Variants in AIDA observed in about 807,000 individuals in gnomAD.
AIDA encodes axin interactor, dorsalization associated.
A neutral mutation model predicts 42.7 loss-of-function variants in AIDA; 18 were observed. The ratio of observed to expected loss-of-function variants is 0.42; its 90% CI spans 0.29 to 0.63. The LOEUF (loss-of-function observed/expected upper bound fraction) is 0.63, where lower values mean the gene tolerates loss of function less well. Among genes scored for constraint, AIDA ranks in the 20% least tolerant of loss-of-function variants. AIDA has a pLI of 0.19. For missense variants in AIDA, 250 were observed against 354.1 expected, an observed-to-expected ratio of 0.71 and a Z score of 2.36; for synonymous variants, 104 against 122.9, an observed-to-expected ratio of 0.85 and a Z score of 1.02.
At chr1:222,672,587 A>C (rs1340551854) in intron 8 of AIDA, among the ~76,000 whole-genome samples, 2 of 152,164 alleles carry the variant, frequency 1.3e-5, no homozygotes, top group African/African-American at 4.8e-5. Context: ...TACTCTGAGA[A>C]CCACTGTTCT....
At chr1:222,684,634 A>C (rs1017556785) in intron 6 of AIDA, among the ~76,000 whole-genome samples, 20 of 151,916 alleles carry the variant, frequency 1.3e-4, no homozygotes, top group African/African-American at 4.8e-5. Context: ...AACCATACAT[A>C]CTCTTTCTTT....
chr1:222,705,173 T>A (rs1299996565), intron 1 of AIDA, among the ~76,000 whole-genome samples: 1 of 152,246 alleles, frequency 6.6e-6, no homozygotes, highest in Admixed American at 6.5e-5. Context: ...ACTGCTTCTA[T>A]TCATTTATTT....
intron 1 of AIDA, among the ~76,000 whole-genome samples, chr1:222,703,629 G>T (rs1461021440): frequency 6.6e-6 from 1 of 152,116 alleles, no homozygotes; most frequent in Non-Finnish European, 1.5e-5. Flanking sequence ...TCATTGATTT[G>T]GTAGTAAAAT....
chr1:222,696,935 TTTTG>T (rs1481172762), intron 2 of AIDA, among the ~76,000 whole-genome samples: 3 of 152,074 alleles, frequency 2.0e-5, no homozygotes, highest in South Asian at 4.2e-4. Context: ...AACAGGTGTT[TTTTG>T]TTTGTTTTTG....
At chr1:222,687,492 A>T in intron 5 of AIDA, 103 bp downstream of exon 5, 1 of 986,556 alleles carries the variant, frequency 1.0e-6, no homozygotes, top group Non-Finnish European at 1.5e-6. Context: ...TGTTGATGTC[A>T]ATGATATCAA....
chr1:222,691,715 G>A (rs1009367159), intron 4 of AIDA, among the ~76,000 whole-genome samples: 3 of 151,936 alleles, frequency 2.0e-5, no homozygotes, highest in Non-Finnish European at 4.4e-5. Context: ...ACTAAGAATG[G>A]GAAAGGGGAA....
In AIDA at chr1:222,712,465, C is replaced by A. The variant is rs913658389; in HGVS notation, c.-148G>T. On this transcript the variant is annotated 5_prime_UTR_variant, in exon 1 of 10. Coordinates refer to ENST00000340020, the MANE Select transcript of AIDA (RefSeq NM_022831.4). The stretch of plus-strand genomic sequence containing the variant: ...GCCACCCGCCGAGGAGCCGCCCAAG[C>A]CCATTTGCCGCCACAGCCAAACTTT... 1 of 1,427,866 alleles carries A rather than the reference C, an allele frequency of 7.0e-7. No homozygotes were observed. The highest frequency in any genetic ancestry group is 1.5e-5 in the African/African-American group (1 of 68,820). 88.4% of individuals were successfully genotyped at this position (1,427,866 alleles called of 1,614,324 possible).
intron 2 of AIDA, among the ~76,000 whole-genome samples, chr1:222,699,109 G>A (rs1293938101): frequency 6.6e-6 from 1 of 152,198 alleles, no homozygotes; most frequent in Non-Finnish European, 1.5e-5. Context: ...ACAGGTGTGA[G>A]ACACCCCGTC....
At chr1:222,673,873 C>T (rs1664496756) in intron 7 of AIDA, among the ~76,000 whole-genome samples, 1 of 152,042 alleles carries the variant, frequency 6.6e-6, no homozygotes, top group South Asian at 2.1e-4. Flanking sequence ...CACTTAAGGT[C>T]AGGAGTTCAA....
Position 222,669,869 on chromosome 1 carries a change from A to C in AIDA, c.*24T>G. 1 of 1,601,464 alleles carries C rather than the reference A, an allele frequency of 6.2e-7. No individual in the cohort carries two copies. The highest frequency in any genetic ancestry group is 8.5e-7 in the Non-Finnish European group (1 of 1,172,746). ...TCTACTGAGTGGTAAAATTCACAGA[A>C]GTTCCAGGTTCATCATGTCAGGATC... is the stretch of plus-strand genomic sequence containing the variant. On this transcript the variant is annotated 3_prime_UTR_variant, in exon 10 of 10. Coordinates refer to ENST00000340020, the MANE Select transcript of AIDA (RefSeq NM_022831.4).
At chr1:222,686,456 T>G (rs1296069810) in intron 6 of AIDA, among the ~76,000 whole-genome samples, 1 of 152,206 alleles carries the variant, frequency 6.6e-6, no homozygotes, top group African/African-American at 2.4e-5. Flanking sequence ...ATAAAAGCTT[T>G]GGGCACTGAC....
intron 1 of AIDA, among the ~76,000 whole-genome samples, chr1:222,707,291 G>A (rs897465631): frequency 6.6e-6 from 1 of 152,038 alleles, no homozygotes; most frequent in Non-Finnish European, 1.5e-5. Context: ...CTGAGTAGCT[G>A]AGACCACAGG....
At chr1:222,695,473 CAG>C (rs1213325548) in intron 2 of AIDA, among the ~76,000 whole-genome samples, 1 of 151,950 alleles carries the variant, frequency 6.6e-6, no homozygotes, top group East Asian at 1.9e-4. Context: ...GCCTGGGTAA[CAG>C]AGTGAGACTC....
intron 6 of AIDA, among the ~76,000 whole-genome samples, chr1:222,679,273 TAAA>T (rs1664610637): frequency 7.0e-6 from 1 of 142,908 alleles, no homozygotes; most frequent in Admixed American, 6.9e-5. Context: ...GCAAGATTTC[TAAA>T]AGAAGAATGA....
chr1:222,670,362 CA>C, intron 8 of AIDA, 112 bp from the exon 9 acceptor site: 1 of 811,000 alleles, frequency 1.2e-6, no homozygotes, highest in Non-Finnish European at 2.0e-6. Context: ...CATAATTTGA[CA>C]AAACAACTTG....
chr1:222,681,375 G>A (rs1458166506), intron 6 of AIDA, among the ~76,000 whole-genome samples: 1 of 152,174 alleles, frequency 6.6e-6, no homozygotes, highest in Non-Finnish European at 1.5e-5. Context: ...AGAATGTTTT[G>A]AAAATTGGCC....
chr1:222,672,160 G>A (rs1664460680), intron 8 of AIDA, among the ~76,000 whole-genome samples: 1 of 151,552 alleles, frequency 6.6e-6, no homozygotes, highest in African/African-American at 2.4e-5. Flanking sequence ...TTTGAAGCTG[G>A]AAAAAATTAA....
chr1:222,700,282 T>C (rs996446824), intron 2 of AIDA, among the ~76,000 whole-genome samples: 2 of 152,100 alleles, frequency 1.3e-5, no homozygotes, highest in Non-Finnish European at 2.9e-5. Flanking sequence ...CACTTCAAAG[T>C]AGAGGACATG....
chr1:222,684,568 T>A (rs1362998002), intron 6 of AIDA, among the ~76,000 whole-genome samples: 3 of 152,210 alleles, frequency 2.0e-5, no homozygotes, highest in Non-Finnish European at 4.4e-5. Flanking sequence ...TTACAAGTTA[T>A]TTTTTAATAA....
Sources: allele counts gnomAD v4.1 joint callset (sites outside exome capture counted in the v4.1 genomes callset), GRCh38; gene constraint gnomAD v4.1.1; transcripts MANE v1.5; gene names NCBI Gene and HGNC (gene_info 2026-07-23, HGNC 2026-07-21).